Variants in TMPRSS13 observed in about 807,000 individuals in gnomAD.
The protein encoded by TMPRSS13 is transmembrane serine protease 13.
In TMPRSS13, 50 loss-of-function variants were observed where a neutral mutation model predicts 68.4. The observed-to-expected ratio is 0.73, with a 90% CI of 0.58 to 0.93. The LOEUF (loss-of-function observed/expected upper bound fraction) is 0.93, where lower values mean the gene tolerates loss of function less well. Among genes scored for constraint, TMPRSS13 ranks in the 40% least tolerant of loss-of-function variants. The probability of loss-of-function intolerance (pLI) is 0.00; values close to 1 mark genes in which losing one functional copy is unlikely to be tolerated. For missense variants in TMPRSS13, 615 were observed against 729.2 expected, an observed-to-expected ratio of 0.84 and a Z score of 1.80; for synonymous variants, 267 against 285.8, an observed-to-expected ratio of 0.93 and a Z score of 0.66.
At chr11:117,928,760 G>A (rs1207688691) in intron 1 of TMPRSS13, among the ~76,000 whole-genome samples, 1 of 152,160 alleles carries the variant, frequency 6.6e-6, no homozygotes, top group African/African-American at 2.4e-5. Context: ...AAGTTATTAA[G>A]TCCAAAAAGA....
chr11:117,926,351 C>G (rs934343568), intron 1 of TMPRSS13, among the ~76,000 whole-genome samples: 2 of 152,182 alleles, frequency 1.3e-5, no homozygotes, highest in Admixed American at 1.3e-4. Flanking sequence ...GGCTGGGACA[C>G]GGCATGGCAG....
intron 7 of TMPRSS13, among the ~76,000 whole-genome samples, chr11:117,910,201 C>T (rs559214606): frequency 5.3e-5 from 8 of 152,232 alleles, no homozygotes; most frequent in East Asian, 1.9e-4. Context: ...GATCATTCCG[C>T]GGAAAGTTTG....
In TMPRSS13 at chr11:117,908,640, C is replaced by T; in HGVS notation, c.1254G>A (p.Met418Ile). 6.4e-7 allele frequency: 1 copy of T among 1,572,222 alleles called. No homozygotes were observed. The highest frequency in any genetic ancestry group is 8.6e-7 in the Non-Finnish European group (1 of 1,159,104). The change falls in exon 9 of 13, where the codon ATG becomes ATA. Residue 418 changes from methionine (M) to isoleucine (I), a missense_variant. Physicochemically the swap from Met to Ile is conservative, Grantham distance 10. Transcript: ENST00000524993. ...DEEDDYDIAL[M>I]RLSKPLTLSA... ...ACAGGGTCAGGGGCTTGGACAGCCGCATGAGGGCGATGTCATAGTCGTCCT... is the reference window on the plus strand; with the variant it reads ...ACAGGGTCAGGGGCTTGGACAGCCGTATGAGGGCGATGTCATAGTCGTCCT...
At position 117,900,957 on chromosome 11, in the gene TMPRSS13, G is replaced by A. The variant is rs1224915190; in HGVS notation, c.*1282C>T. 1 of 152,328 alleles carries A rather than the reference G, an allele frequency of 6.6e-6. No individual in the cohort carries two copies. The highest frequency in any genetic ancestry group is 2.4e-5 in the African/African-American group (1 of 41,466). The allele number at this position is 152,328 out of a possible 1,614,324, so 9.4% of individuals were successfully genotyped here. On this transcript the variant is annotated 3_prime_UTR_variant, in exon 13 of 13. Coordinates refer to ENST00000524993, the MANE Select transcript of TMPRSS13 (RefSeq NM_001077263.3). ...AATAGGTGCCCCAGAAAAAAGGCTG[G>A]GGAAGGCCCAGGCTTTTAGCTGGCG...
intron 1 of TMPRSS13, among the ~76,000 whole-genome samples, chr11:117,921,292 A>ATTTGAT (rs150389494): frequency 0.037 from 5,658 of 152,212 alleles, 171 homozygotes; most frequent in East Asian, 0.16. Flanking sequence ...CCATTATGTG[A>ATTTGAT]TTTGATTCTC....
At chr11:117,905,844 C>A in intron 9 of TMPRSS13, 108 bp from the exon 10 acceptor site, 2 of 756,284 alleles carry the variant, frequency 2.6e-6, no homozygotes, top group Admixed American at 2.3e-5. Context: ...TCTCCTAGAA[C>A]ATTAATCCTT....
chr11:117,919,443 G>T (rs756757966), intron 1 of TMPRSS13, among the ~76,000 whole-genome samples: 1 of 152,236 alleles, frequency 6.6e-6, no homozygotes, highest in Non-Finnish European at 1.5e-5. Context: ...CCAGACTAAG[G>T]TCTTTCCATA....
rs754839583 is a variant in TMPRSS13, at chr11:117,904,081, G to T, written c.1402C>A (p.Arg468=). Residue 468 remains arginine, a synonymous_variant, in exon 11 of 13, where the codon CGG becomes AGG. Coordinates refer to ENST00000524993, the MANE Select transcript of TMPRSS13 (RefSeq NM_001077263.3). The part of the protein sequence containing the change: ...ETDDKTSPFL[R]EVQVNLIDFK... ...TCGATGAGATTGACCTGCACCTCCC[G>T]GAGGAAGGGGGATGTCTTGTCTTCA... 1.2e-4 allele frequency: 198 copies of T among 1,613,900 alleles called. No homozygotes were observed. Among genetic ancestry groups the T allele is most frequent in the Non-Finnish European group, 1.5e-4 (179 of 1,179,946 alleles).
At chr11:117,912,542 C>G (rs1031965671) in intron 5 of TMPRSS13, among the ~76,000 whole-genome samples, 7 of 152,208 alleles carry the variant, frequency 4.6e-5, no homozygotes, top group Non-Finnish European at 1.0e-4. Flanking sequence ...GTGTTCTACT[C>G]TCTGCATGGA....
In TMPRSS13 at chr11:117,914,262, C is replaced by T; in HGVS notation, c.679+130G>A. ...ACACACATACATGCATACACACAAA[C>T]ATGCACATACACACACATGCACGCA... is the stretch of plus-strand genomic sequence containing the variant. On this transcript the variant is annotated intron_variant, in intron 4 of 12. Transcript: ENST00000524993. This position sits in a 1 kb window ranked among gnomAD's most constrained non-coding sequence, Gnocchi z 4.2. 7.9e-7 allele frequency: 1 copy of T among 1,271,536 alleles called. No individual in the cohort carries two copies. The highest frequency in any genetic ancestry group is 1.1e-6 in the Non-Finnish European group (1 of 899,464). 78.8% of individuals were successfully genotyped at this position (1,271,536 alleles called of 1,614,324 possible). A position where few individuals can be genotyped will look rare whatever the true frequency, so the allele number is the denominator to read the frequency against.
At chr11:117,910,485 AG>A in intron 7 of TMPRSS13, 1 of 513,946 alleles carries the variant, frequency 1.9e-6, no homozygotes, top group Non-Finnish European at 3.5e-6. Context: ...TTGGAATAAA[AG>A]GTTGCTGGGC....
intron 6 of TMPRSS13, 105 bp from the exon 7 acceptor site, chr11:117,910,855 G>T: frequency 9.6e-7 from 1 of 1,040,742 alleles, no homozygotes. Context: ...TTCCAAGGAA[G>T]CTACCCTTTG....
At chr11:117,918,019 C>T (rs2057596091) in intron 2 of TMPRSS13, among the ~76,000 whole-genome samples, 1 of 152,150 alleles carries the variant, frequency 6.6e-6, no homozygotes, top group Admixed American at 6.5e-5. Context: ...GATGGGCCCA[C>T]TGATCATGAC....
rs2298464 is a variant in TMPRSS13 at position 117,910,204 on chromosome 11, A to C, written c.947-236T>G. Among the ~76,000 whole-genome samples the C allele has an allele frequency of 2.2e-4, 33 of 152,152 alleles. No individual in the cohort carries two copies. The East Asian group carries it at 6.4e-3, about 30-fold the overall frequency. ...GTGGCTTTCTGGGATCATTCCGCGG[A>C]AAGTTTGACCCCAGGCAGGTTCCTC... On this transcript the variant is annotated intron_variant, in intron 7 of 12. Coordinates refer to ENST00000524993, the MANE Select transcript of TMPRSS13 (RefSeq NM_001077263.3).
Position 117,929,331 on chromosome 11 carries a change from C to T in TMPRSS13, c.-24G>A. ...ATGGTCTCTGAGGGGAAGAGTCCTCCAGGCTTAGCTGATGTCGAGGAGAAG... is the reference window on the plus strand; with the variant it reads ...ATGGTCTCTGAGGGGAAGAGTCCTCTAGGCTTAGCTGATGTCGAGGAGAAG... On this transcript the variant is annotated 5_prime_UTR_variant, in exon 1 of 13. Coordinates refer to ENST00000524993, the MANE Select transcript of TMPRSS13 (RefSeq NM_001077263.3). 6.2e-7 allele frequency: 1 copy of T among 1,603,718 alleles called. No individual in the cohort carries two copies. The highest frequency in any genetic ancestry group is 1.7e-4 in the Middle Eastern group (1 of 6,046).
At chr11:117,926,694 T>C (rs1474007264) in intron 1 of TMPRSS13, among the ~76,000 whole-genome samples, 1 of 152,200 alleles carries the variant, frequency 6.6e-6, no homozygotes, top group Non-Finnish European at 1.5e-5. Flanking sequence ...CCCCGTTCTA[T>C]GTAATTCCAG....
At chr11:117,917,683 C>T (rs762128120) in intron 2 of TMPRSS13, among the ~76,000 whole-genome samples, 2 of 152,182 alleles carry the variant, frequency 1.3e-5, no homozygotes, top group African/African-American at 2.4e-5. Flanking sequence ...GATTCCAGTG[C>T]AGTGGGTCTG....
Position 117,922,510 on chromosome 11 carries a change from G to A in TMPRSS13, c.22-3672C>T, listed in dbSNP as rs938755134. Reference sequence around the variant, plus strand: ...CCCAAAGTGCTGGGATTACAGGCGTGAGCCACCGCGCCCAGCCGAGACTTC... The same window carrying A: ...CCCAAAGTGCTGGGATTACAGGCGTAAGCCACCGCGCCCAGCCGAGACTTC... On this transcript the variant is annotated intron_variant, in intron 1 of 12. Coordinates refer to ENST00000524993, the MANE Select transcript of TMPRSS13 (RefSeq NM_001077263.3). This position sits in a 1 kb window ranked among gnomAD's most constrained non-coding sequence, Gnocchi z 4.2. Among the ~76,000 whole-genome samples the A allele has an allele frequency of 2.6e-5, 4 of 152,164 alleles. No individual in the cohort carries two copies. Among genetic ancestry groups the A allele is most frequent in the Non-Finnish European group, 4.4e-5 (3 of 68,020 alleles).
chr11:117,920,980 A>C (rs554277120), intron 1 of TMPRSS13, among the ~76,000 whole-genome samples: 7 of 152,380 alleles, frequency 4.6e-5, no homozygotes, highest in African/African-American at 1.4e-4. Flanking sequence ...GATACACATG[A>C]AAGAGCCTGG....
Sources: allele counts gnomAD v4.1 joint callset (sites outside exome capture counted in the v4.1 genomes callset), GRCh38; gene constraint gnomAD v4.1.1; non-coding constraint Gnocchi (gnomAD v3.1); transcripts MANE v1.5; gene names NCBI Gene and HGNC (gene_info 2026-07-23, HGNC 2026-07-21).